Variants in HYCC2 observed in about 807,000 individuals in gnomAD.
The protein encoded by HYCC2 is hyccin PI4KA lipid kinase complex subunit 2.
At chr2:200,974,027 G>C in the HYCC2 span, 1 of 152,130 alleles carries the variant, frequency 6.6e-6, no homozygotes, top group Non-Finnish European at 1.5e-5. Flanking sequence ...CAATAAATAT[G>C]ATCTTAAATT....
chr2:201,008,046 C>A, the HYCC2 span, among the ~76,000 whole-genome samples: 1 of 152,124 alleles, frequency 6.6e-6, no homozygotes, highest in African/African-American at 2.4e-5. Context: ...TGTAATAAAC[C>A]ATAACTGTGA....
At chr2:201,040,441 T>TTTG in the HYCC2 span, among the ~76,000 whole-genome samples, 8,032 of 151,478 alleles carry the variant, frequency 0.053, 494 homozygotes, top group African/African-American at 0.15. Context: ...AGAATAGCAT[T>TTTG]TTGTTGTTAT....
the HYCC2 span, among the ~76,000 whole-genome samples, chr2:200,993,651 T>G: frequency 6.6e-6 from 1 of 152,154 alleles, no homozygotes; most frequent in Non-Finnish European, 1.5e-5. Flanking sequence ...ATATTTTTTA[T>G]AGCAGAGACA....
chr2:201,045,595 T>C, the HYCC2 span: 1 of 397,804 alleles, frequency 2.5e-6, no homozygotes. Flanking sequence ...TTTCCAATTC[T>C]ATAAAAAATA....
the HYCC2 span, among the ~76,000 whole-genome samples, chr2:201,057,751 T>C: frequency 6.6e-6 from 1 of 152,092 alleles, no homozygotes; most frequent in Non-Finnish European, 1.5e-5. Flanking sequence ...AGGCCTGGTT[T>C]ATACATGGTT....
At chr2:201,001,076 T>A in the HYCC2 span, among the ~76,000 whole-genome samples, 2 of 144,860 alleles carry the variant, frequency 1.4e-5, no homozygotes, top group African/African-American at 5.2e-5. Context: ...AGGCAGAGGG[T>A]GCAGTGAGCC....
At chr2:200,985,115 G>A in the HYCC2 span, among the ~76,000 whole-genome samples, 4 of 151,982 alleles carry the variant, frequency 2.6e-5, no homozygotes, top group African/African-American at 7.2e-5. Flanking sequence ...TCTGGGGGTC[G>A]AGAAAAAACC....
At chr2:201,022,157 T>C in the HYCC2 span, 3 of 1,187,130 alleles carry the variant, frequency 2.5e-6, no homozygotes, top group Non-Finnish European at 3.4e-6. Context: ...TCCTTTCATT[T>C]TCATTTTAAG....
chr2:201,022,135 T>C, the HYCC2 span: 3 of 1,279,926 alleles, frequency 2.3e-6, no homozygotes, highest in Non-Finnish European at 3.1e-6. Flanking sequence ...AAGAAGCTAC[T>C]TTCCTGTGTG....
At chr2:201,044,797 T>C in the HYCC2 span, among the ~76,000 whole-genome samples, 3 of 152,148 alleles carry the variant, frequency 2.0e-5, no homozygotes, top group East Asian at 5.8e-4. Flanking sequence ...AGTACAGAGA[T>C]TATTCATCCA....
At chr2:201,038,274 A>C in the HYCC2 span, among the ~76,000 whole-genome samples, 1 of 152,164 alleles carries the variant, frequency 6.6e-6, no homozygotes, top group Non-Finnish European at 1.5e-5. Context: ...GAGAAATAGG[A>C]ACACTTTTAC....
chr2:201,066,205 C>T, the HYCC2 span, among the ~76,000 whole-genome samples: 3 of 152,110 alleles, frequency 2.0e-5, no homozygotes, highest in South Asian at 6.2e-4. Flanking sequence ...ATTCCAGTAG[C>T]TAGCACTACA....
the HYCC2 span, among the ~76,000 whole-genome samples, chr2:200,983,333 G>A: frequency 6.6e-6 from 1 of 152,108 alleles, no homozygotes; most frequent in African/African-American, 2.4e-5. Flanking sequence ...ACAAATATTA[G>A]AGATATAGGT....
chr2:200,998,091 G>A, the HYCC2 span, among the ~76,000 whole-genome samples: 2 of 152,140 alleles, frequency 1.3e-5, no homozygotes, highest in East Asian at 3.9e-4. Context: ...CTATGAATAA[G>A]TCTACCATCT....
the HYCC2 span, among the ~76,000 whole-genome samples, chr2:201,013,892 T>C: frequency 1.3e-5 from 2 of 152,204 alleles, no homozygotes; most frequent in Non-Finnish European, 2.9e-5. Context: ...CCTGGGGCTA[T>C]TTGAAACAAC....
At chr2:201,032,848 G>A in the HYCC2 span, among the ~76,000 whole-genome samples, 7 of 152,052 alleles carry the variant, frequency 4.6e-5, no homozygotes, top group Admixed American at 1.3e-4. Flanking sequence ...GTTTTTTGTA[G>A]AGACAGGGTC....
chr2:201,030,921 C>G, the HYCC2 span, among the ~76,000 whole-genome samples: 1 of 152,078 alleles, frequency 6.6e-6, no homozygotes, highest in African/African-American at 2.4e-5. Flanking sequence ...AAGCACAAAC[C>G]CTTATCTGTC....
chr2:201,069,991 T>A, the HYCC2 span, among the ~76,000 whole-genome samples: 5 of 152,178 alleles, frequency 3.3e-5, no homozygotes, highest in Admixed American at 2.6e-4. Context: ...TTGCTGACAC[T>A]ACATTAGACC....
At chr2:201,063,604 C>T in the HYCC2 span, 1 of 1,579,734 alleles carries the variant, frequency 6.3e-7, no homozygotes, top group Non-Finnish European at 8.6e-7. Context: ...CTGTGAATGG[C>T]CACAACTGTG....
Sources: allele counts gnomAD v4.1 joint callset (sites outside exome capture counted in the v4.1 genomes callset), GRCh38; gene constraint gnomAD v4.1.1; transcripts MANE v1.5; gene names NCBI Gene and HGNC (gene_info 2026-07-23, HGNC 2026-07-21).